APBA1: variants seen among roughly 807,000 people sequenced by gnomAD.
The protein encoded by APBA1 is amyloid-beta A4 precursor protein-binding family A member 1.
Under a neutral mutation model 86.6 loss-of-function variants are expected in APBA1, and 55 were observed. That is an observed-to-expected ratio of 0.64 (90% CI 0.51 to 0.80). The LOEUF (loss-of-function observed/expected upper bound fraction) is 0.80. Ranked by LOEUF, APBA1 falls within the 30% of genes least tolerant of loss-of-function variation. The pLI is 0.00. For synonymous variants in APBA1, 511 were observed against 493.9 expected, an observed-to-expected ratio of 1.03 and a Z score of -0.46; for missense variants, 1,090 against 1,183.0, an observed-to-expected ratio of 0.92 and a Z score of 1.15.
intron 2 of APBA1, among the ~76,000 whole-genome samples, chr9:69,497,008 AC>A (rs1835809645): frequency 6.6e-6 from 1 of 152,066 alleles, no homozygotes; most frequent in Non-Finnish European, 1.5e-5. Flanking sequence ...CACTAGTCAG[AC>A]TCAAATAAAA....
In APBA1 at chr9:69,440,989, T is replaced by C. The variant is rs756918471; in HGVS notation, c.2301+7A>G. The C allele has an allele frequency of 3.7e-6, 6 of 1,612,892 alleles. No individual in the cohort carries two copies. Among genetic ancestry groups the C allele is most frequent in the Non-Finnish European group, 5.1e-6 (6 of 1,179,476 alleles). On this transcript the variant is annotated splice_region_variant and intron_variant, in intron 11 of 12. Transcript: ENST00000265381. ...GTGGAAAAGGGTGTGGAAGGTGTTCTACTTACAATTCCATTCTGGACGCTG... is the reference window on the plus strand; with the variant it reads ...GTGGAAAAGGGTGTGGAAGGTGTTCCACTTACAATTCCATTCTGGACGCTG...
chr9:69,436,756 A>G (rs1474408418), intron 11 of APBA1, among the ~76,000 whole-genome samples: 2 of 152,126 alleles, frequency 1.3e-5, no homozygotes, highest in Non-Finnish European at 2.9e-5. Flanking sequence ...TCCTAATTGA[A>G]TGCCCTTTAT....
At chr9:69,549,259 T>C (rs1447128585) in intron 1 of APBA1, among the ~76,000 whole-genome samples, 1 of 152,172 alleles carries the variant, frequency 6.6e-6, no homozygotes, top group Admixed American at 6.5e-5. Flanking sequence ...GGGCTGGCTG[T>C]CAGTCACCCT....
At chr9:69,594,358 G>T (rs1822189910) in intron 1 of APBA1, among the ~76,000 whole-genome samples, 1 of 152,188 alleles carries the variant, frequency 6.6e-6, no homozygotes. Context: ...CAAGGAACCA[G>T]GTTGTTTAAT....
intron 2 of APBA1, among the ~76,000 whole-genome samples, chr9:69,495,493 A>G (rs915878271): frequency 3.0e-4 from 46 of 152,038 alleles, no homozygotes; most frequent in African/African-American, 1.1e-3. Flanking sequence ...GTTGTTAGAT[A>G]CCCGAGTCAA....
rs879875396 is a variant in APBA1, at chr9:69,511,524, AG to A, written c.1200+4486del. ...GTGGAAGTCAGTGTGGCGATTCCTC[AG>A]GGATCTAGAACTAGAAATACCATTT... is the stretch of plus-strand genomic sequence containing the variant. On this transcript the variant is annotated intron_variant, in intron 2 of 12. Coordinates refer to ENST00000265381, the MANE Select transcript of APBA1 (RefSeq NM_001163.4). Among the ~76,000 whole-genome samples the A allele has an allele frequency of 2.6e-3, 393 of 152,166 alleles. 2 individuals are homozygous for A. Among genetic ancestry groups the A allele is most frequent in the Admixed American group, 6.1e-3 (94 of 15,296 alleles).
intron 1 of APBA1, among the ~76,000 whole-genome samples, chr9:69,596,925 T>C (rs1386957240): frequency 6.6e-6 from 1 of 152,244 alleles, no homozygotes; most frequent in Non-Finnish European, 1.5e-5. Flanking sequence ...GAAATGGTAG[T>C]GGCTACTGAA....
intron 1 of APBA1, among the ~76,000 whole-genome samples, chr9:69,563,328 C>G (rs1336497650): frequency 2.2e-5 from 2 of 90,630 alleles, no homozygotes; most frequent in Admixed American, 2.7e-4. Flanking sequence ...GATTTTTCTA[C>G]TAAATTTCTC....
intron 1 of APBA1, among the ~76,000 whole-genome samples, chr9:69,653,445 C>T (rs1259746995): frequency 1.3e-5 from 2 of 152,190 alleles, no homozygotes; most frequent in Non-Finnish European, 2.9e-5. Flanking sequence ...TTAAGCTGCA[C>T]TCTAGGCCAA....
chr9:69,658,308 T>TCTC (rs1564105052), intron 1 of APBA1, among the ~76,000 whole-genome samples: 2 of 39,900 alleles, frequency 5.0e-5, no homozygotes, highest in Admixed American at 2.5e-4. Context: ...CTCTCTCTCT[T>TCTC]TCTTTCTTTC....
intron 1 of APBA1, among the ~76,000 whole-genome samples, chr9:69,519,167 C>A (rs555575686): frequency 6.6e-6 from 1 of 152,214 alleles, no homozygotes; most frequent in African/African-American, 2.4e-5. Context: ...TCCCTTCAAA[C>A]CTTGATGGAT....
At chr9:69,629,657 G>A (rs377238426) in intron 1 of APBA1, among the ~76,000 whole-genome samples, 7 of 152,192 alleles carry the variant, frequency 4.6e-5, no homozygotes, top group African/African-American at 4.8e-5. Flanking sequence ...GAGTTCAGTC[G>A]AGTTAGGGGA....
intron 1 of APBA1, among the ~76,000 whole-genome samples, chr9:69,633,861 T>C (rs543048981): frequency 7.2e-5 from 11 of 152,344 alleles, no homozygotes; most frequent in African/African-American, 2.6e-4. Context: ...AGCTTAATTT[T>C]AGAAGGTGAC....
rs76163737 is a variant in APBA1, at chr9:69,548,630, A to G, written c.-69-31351T>C. 7.0e-3 allele frequency among the ~76,000 whole-genome samples: 1,070 copies of G among 152,336 alleles called. 8 individuals carry two copies. Among genetic ancestry groups the G allele is most frequent in the African/African-American group, 0.024 (1,001 of 41,566 alleles). ...GGTAAAAGGCAATAGGGTGCTCAGGAGGTAAGCAAGAAAAAGGAAAAGATG... is the reference window on the plus strand; with the variant it reads ...GGTAAAAGGCAATAGGGTGCTCAGGGGGTAAGCAAGAAAAAGGAAAAGATG... On this transcript the variant is annotated intron_variant, in intron 1 of 12. Coordinates refer to ENST00000265381, the MANE Select transcript of APBA1 (RefSeq NM_001163.4).
chr9:69,532,348 G>A (rs1836447360), intron 1 of APBA1, among the ~76,000 whole-genome samples: 1 of 152,156 alleles, frequency 6.6e-6, no homozygotes, highest in Non-Finnish European at 1.5e-5. Flanking sequence ...AGACATGTAG[G>A]TGGGCCACAA....
chr9:69,625,903 A>G (rs912508687), intron 1 of APBA1, among the ~76,000 whole-genome samples: 1 of 152,152 alleles, frequency 6.6e-6, no homozygotes, highest in African/African-American at 2.4e-5. Flanking sequence ...ATTCTTAAGC[A>G]CATTCTTTGG....
At chr9:69,450,056 GTTTTTTTTTTT>G (rs58417611) in intron 9 of APBA1, among the ~76,000 whole-genome samples, 3 of 94,162 alleles carry the variant, frequency 3.2e-5, no homozygotes, top group African/African-American at 1.3e-4. Context: ...AGGACCACCA[GTTTTTTTTTTT>G]TTTTTTTTTT....
At chr9:69,630,390 T>C (rs1005620340) in intron 1 of APBA1, among the ~76,000 whole-genome samples, 1 of 152,198 alleles carries the variant, frequency 6.6e-6, no homozygotes, top group African/African-American at 2.4e-5. Context: ...TTCCTGTCTA[T>C]GGACTCTGCT....
At position 69,441,135 on chromosome 9, in the gene APBA1, C is replaced by A. The variant is rs116677440; in HGVS notation, c.2182-20G>T. On this transcript the variant is annotated intron_variant, in intron 10 of 12. Coordinates refer to ENST00000265381, the MANE Select transcript of APBA1 (RefSeq NM_001163.4). Reference sequence around the variant, plus strand: ...TAAGCCCTTAAACATGAATAAAGTACAGTGGGTATGGTGACCACTGAGGCA... The same window carrying A: ...TAAGCCCTTAAACATGAATAAAGTAAAGTGGGTATGGTGACCACTGAGGCA... 3.0e-3 allele frequency: 4,798 copies of A among 1,611,520 alleles called. 113 individuals carry two copies. In the African/African-American group the frequency reaches 0.056, roughly 19 times the overall value.
Sources: allele counts gnomAD v4.1 joint callset (sites outside exome capture counted in the v4.1 genomes callset), GRCh38; gene constraint gnomAD v4.1.1; transcripts MANE v1.5; gene names NCBI Gene and HGNC (gene_info 2026-07-23, HGNC 2026-07-21).